The following UNC5C variants were observed in gnomAD, a reference collection of about 807,000 sequenced individuals.
UNC5C encodes the protein netrin receptor UNC5C.
Under a neutral mutation model 99.8 loss-of-function variants are expected in UNC5C, and 47 were observed. That is an observed-to-expected ratio of 0.47 (90% CI 0.37 to 0.60). The LOEUF (loss-of-function observed/expected upper bound fraction) is 0.60. Among genes scored for constraint, UNC5C ranks in the 20% least tolerant of loss-of-function variants. UNC5C has a pLI of 0.00. For synonymous variants in UNC5C, 487 were observed against 452.2 expected (o/e 1.08, Z -0.98); for missense variants, 1,062 against 1,165.9 (o/e 0.91, Z 1.30).
chr4:95,227,937 G>A (rs1050211156), intron 7 of UNC5C, among the ~76,000 whole-genome samples: 1 of 152,186 alleles, frequency 6.6e-6, no homozygotes, highest in African/African-American at 2.4e-5. Context: ...TTTGCACAAG[G>A]TCATCATTTA....
At chr4:95,278,468 TTC>T in intron 3 of UNC5C, 106 bp from the exon 4 acceptor site, 1 of 838,752 alleles carries the variant, frequency 1.2e-6, no homozygotes. Flanking sequence ...GTGCTTTTTT[TTC>T]TTTCTTTTTT....
At chr4:95,480,600 C>G (rs1275937665) in intron 1 of UNC5C, among the ~76,000 whole-genome samples, 2 of 151,916 alleles carry the variant, frequency 1.3e-5, no homozygotes, top group African/African-American at 2.4e-5. Flanking sequence ...GCAACAGAAG[C>G]AGCTCTCACA....
intron 4 of UNC5C, among the ~76,000 whole-genome samples, chr4:95,272,881 T>A (rs574735697): frequency 3.3e-5 from 5 of 152,318 alleles, no homozygotes; most frequent in Non-Finnish European, 5.9e-5. Flanking sequence ...TGGAAATTCA[T>A]CAATATGAAG....
intron 12 of UNC5C, among the ~76,000 whole-genome samples, chr4:95,195,917 C>G (rs573856952): frequency 6.7e-6 from 1 of 149,354 alleles, no homozygotes; most frequent in South Asian, 2.1e-4. Context: ...AAAAAAAAGC[C>G]AGGTTATGTT....
intron 3 of UNC5C, among the ~76,000 whole-genome samples, chr4:95,292,234 C>CATAT (rs1201836603): frequency 2.4e-4 from 18 of 74,048 alleles, no homozygotes; most frequent in South Asian, 3.7e-4. Context: ...CACACACACA[C>CATAT]ACATATATAT....
Position 95,301,724 on chromosome 4 carries a change from A to G in UNC5C, c.372T>C (p.Ile124=). 6.2e-7 allele frequency: 1 copy of G among 1,612,964 alleles called. No homozygotes were observed. The stretch of plus-strand genomic sequence containing the variant: ...CTTCCACTTGCTGGCGCGAAATCTC[A>G]ATGCTCACTTCCCGGACAATGAGAC... The part of the protein sequence containing the change: ...TSGLIVREVS[I]EISRQQVEEL... The change falls in exon 3 of 16, where the codon ATT becomes ATC. Residue 124 remains isoleucine (I), a synonymous_variant. Coordinates refer to ENST00000453304, the MANE Select transcript of UNC5C (RefSeq NM_003728.4).
intron 2 of UNC5C, among the ~76,000 whole-genome samples, chr4:95,332,884 A>G: frequency 6.6e-6 from 1 of 152,114 alleles, no homozygotes; most frequent in East Asian, 1.9e-4. Context: ...GAAAAAAACA[A>G]ACAACCCCAT....
chr4:95,482,957 T>G (rs2149478612), intron 1 of UNC5C, among the ~76,000 whole-genome samples: 1 of 142,330 alleles, frequency 7.0e-6, no homozygotes, highest in East Asian at 2.0e-4. Flanking sequence ...CATGTATACA[T>G]ATGTAACTAA....
At chr4:95,433,921 A>C in intron 1 of UNC5C, among the ~76,000 whole-genome samples, 1 of 152,006 alleles carries the variant, frequency 6.6e-6, no homozygotes, top group Non-Finnish European at 1.5e-5. Flanking sequence ...CAGCCTGTGC[A>C]CAAGTTAATC....
intron 10 of UNC5C, among the ~76,000 whole-genome samples, chr4:95,215,633 A>C (rs1738219489): frequency 6.6e-6 from 1 of 152,032 alleles, no homozygotes; most frequent in African/African-American, 2.4e-5. Flanking sequence ...CATAAGAAGG[A>C]AATTAGTAAT....
intron 1 of UNC5C, among the ~76,000 whole-genome samples, chr4:95,367,531 T>A (rs1468688597): frequency 1.3e-5 from 2 of 151,924 alleles, no homozygotes; most frequent in East Asian, 3.9e-4. Context: ...TGAATGTAGA[T>A]GTTAAATATT....
chr4:95,184,117 G>GAGTA (rs1361351115), intron 13 of UNC5C, among the ~76,000 whole-genome samples: 4 of 152,308 alleles, frequency 2.6e-5, no homozygotes, highest in Admixed American at 2.0e-4. Context: ...GAGGTATACT[G>GAGTA]AGTAAGTCAG....
chr4:95,340,085 G>T (rs1041741066), intron 1 of UNC5C, among the ~76,000 whole-genome samples: 1 of 151,860 alleles, frequency 6.6e-6, no homozygotes, highest in African/African-American at 2.4e-5. Flanking sequence ...AGAAGAGAAA[G>T]CTTTTCACCA....
At chr4:95,174,417 G>C (rs1474941878) in intron 14 of UNC5C, among the ~76,000 whole-genome samples, 2 of 151,880 alleles carry the variant, frequency 1.3e-5, no homozygotes, top group Admixed American at 6.6e-5. Flanking sequence ...GCTTTGAATG[G>C]GTCCCAGAGA....
At chr4:95,413,291 C>T (rs370669401) in intron 1 of UNC5C, among the ~76,000 whole-genome samples, 37 of 152,254 alleles carry the variant, frequency 2.4e-4, no homozygotes, top group South Asian at 4.1e-4. Context: ...GTAAATGCAA[C>T]GCAAGCAGGA....
At chr4:95,478,285 C>G (rs1017423904) in intron 1 of UNC5C, among the ~76,000 whole-genome samples, 1 of 151,920 alleles carries the variant, frequency 6.6e-6, no homozygotes, top group African/African-American at 2.4e-5. Flanking sequence ...TCGGTTGTCT[C>G]TAAGCTCCAT....
intron 1 of UNC5C, among the ~76,000 whole-genome samples, chr4:95,362,640 G>A (rs1338056467): frequency 6.6e-6 from 1 of 152,120 alleles, no homozygotes; most frequent in Admixed American, 6.6e-5. Context: ...TGCACCCGCA[G>A]GATTCCTCAC....
chr4:95,408,328 C>A (rs867003086), intron 1 of UNC5C, among the ~76,000 whole-genome samples: 1 of 152,106 alleles, frequency 6.6e-6, no homozygotes, highest in African/African-American at 2.4e-5. Context: ...AGCTAAAATT[C>A]TCTGTCTATA....
chr4:95,398,723 T>C (rs757593677), intron 1 of UNC5C, among the ~76,000 whole-genome samples: 5 of 152,160 alleles, frequency 3.3e-5, no homozygotes, highest in Non-Finnish European at 7.4e-5. Flanking sequence ...CATGTAGACT[T>C]AGTCTTAATG....
Sources: allele counts gnomAD v4.1 joint callset (sites outside exome capture counted in the v4.1 genomes callset), GRCh38; gene constraint gnomAD v4.1.1; transcripts MANE v1.5; gene names NCBI Gene and HGNC (gene_info 2026-07-23, HGNC 2026-07-21).